BPIFB2: variants seen among roughly 807,000 people sequenced by gnomAD.
The protein encoded by BPIFB2 is BPI fold-containing family B member 2.
BPIFB2 carries 39 observed loss-of-function variants against 50.1 expected under a neutral mutation model. The observed-to-expected ratio is 0.78, with a 90% confidence interval of 0.60 to 1.02. BPIFB2 has a LOEUF of 1.02. Among genes scored for constraint, BPIFB2 ranks in the 50% least tolerant of loss-of-function variants. BPIFB2 has a pLI of 0.00. For synonymous variants in BPIFB2, 280 were observed against 256.3 expected, an observed-to-expected ratio of 1.09 and a Z score of -0.88; for missense variants, 574 against 585.8, an observed-to-expected ratio of 0.98 and a Z score of 0.21.
At chr20:33,011,206 T>C in intron 3 of BPIFB2, 89 bp downstream of exon 3, 1 of 1,278,044 alleles carries the variant, frequency 7.8e-7, no homozygotes, top group East Asian at 2.4e-5. Flanking sequence ...CCACCGGGCA[T>C]GTGCTCCTGC....
chr20:33,018,455 G>T, intron 8 of BPIFB2, 105 bp downstream of exon 8: 1 of 1,314,474 alleles, frequency 7.6e-7, no homozygotes, highest in South Asian at 1.3e-5. Context: ...AGGAGAGGAG[G>T]AGCTGGAATA....
chr20:33,015,577 C>T (rs933423270), intron 6 of BPIFB2, 81 bp downstream of exon 6: 2 of 1,249,102 alleles, frequency 1.6e-6, no homozygotes, highest in Admixed American at 2.3e-5. Context: ...GGATTTCAGG[C>T]AGGGGGTACT....
At chr20:33,020,786 A>T (rs56373649) in intron 13 of BPIFB2, among the ~76,000 whole-genome samples, 199 bp downstream of exon 13, 1 of 152,056 alleles carries the variant, frequency 6.6e-6, no homozygotes, top group Admixed American at 6.5e-5. Context: ...ATGACTTGTC[A>T]CCCAGCCCTC....
chr20:33,010,887 C>G lies in BPIFB2; in HGVS notation c.110-137C>G, dbSNP rs983541383. On this transcript the variant is annotated intron_variant, in intron 2 of 15. Coordinates refer to ENST00000170150, the MANE Select transcript of BPIFB2 (RefSeq NM_025227.3). ...CTCATGGGGAGTCAGCTGCCCTCCC[C>G]ATATGCTTGGAGTAAGCCTACCCCT... 7.9e-5 allele frequency: 55 copies of G among 698,826 alleles called. 2 individuals carry two copies. The South Asian group carries it at 9.9e-4, about 13-fold the overall frequency. The allele number at this position is 698,826 out of a possible 1,614,324, so 43.3% of individuals were successfully genotyped here.
chr20:33,018,128 T>G, intron 7 of BPIFB2, 131 bp from the exon 8 acceptor site: 1 of 685,180 alleles, frequency 1.5e-6, no homozygotes, highest in Non-Finnish European at 2.4e-6. Flanking sequence ...TTGCTCTGCC[T>G]CTTTTGTTTC....
chr20:33,018,749 A>G lies in BPIFB2; in HGVS notation c.782A>G (p.Gln261Arg). The G allele has an allele frequency of 6.2e-7, 1 of 1,614,198 alleles. No homozygotes were observed. Among genetic ancestry groups the G allele is most frequent in the Non-Finnish European group, 8.5e-7 (1 of 1,180,040 alleles). The change falls in exon 9 of 16, where the codon CAG becomes CGG. Residue 261 changes from glutamine (Q) to arginine (R), a missense_variant. Physicochemically the swap from Gln to Arg is conservative, Grantham distance 43 (BLOSUM62 1). Transcript: ENST00000170150. Reference protein sequence around the residue: ...EGSMATVGLSQQLFDSALLLL... With the variant: ...EGSMATVGLSRQLFDSALLLL... ...TCCATGGCCACCGTGGGCCTCTCCC[A>G]GCAGCTGTTTGACTCTGCGCTCCTG...
intron 3 of BPIFB2, among the ~76,000 whole-genome samples, chr20:33,012,578 G>A (rs1990302419): frequency 6.6e-6 from 1 of 152,242 alleles, no homozygotes; most frequent in Admixed American, 6.5e-5. Flanking sequence ...AGTCCTGCCC[G>A]AAGCGGGGGC....
rs150853059 is a variant in BPIFB2 at position 33,019,622 on chromosome 20, G to C, written c.952G>C (p.Val318Leu). The stretch of plus-strand genomic sequence containing the variant: ...CGAGCCCATGCCTGTGGTGCTCAAG[G>C]TGCGGCTGGGTGCCACACCTGTGGC... ...FPEPMPVVLK[V>L]RLGATPVAML... Residue 318 changes from valine (V) to leucine (L), a missense_variant, in exon 11 of 16, where the codon GTG (valine) becomes CTG (leucine). Coordinates refer to ENST00000170150, the MANE Select transcript of BPIFB2 (RefSeq NM_025227.3). The C allele has an allele frequency of 2.5e-6, 4 of 1,609,990 alleles. No individual in the cohort carries two copies. Among genetic ancestry groups the C allele is most frequent in the African/African-American group, 1.3e-5 (1 of 74,848 alleles).
At chr20:33,014,898 C>A (rs116623499) in intron 5 of BPIFB2, among the ~76,000 whole-genome samples, 134 of 152,362 alleles carry the variant, frequency 8.8e-4, no homozygotes, top group African/African-American at 2.8e-3. Context: ...CCACCTCCCC[C>A]CCAGGGAGCT....
chr20:33,012,832 G>T lies in BPIFB2; in HGVS notation c.233G>T (p.Arg78Leu), dbSNP rs750355484. 1 of 1,613,972 alleles carries T rather than the reference G, an allele frequency of 6.2e-7. No homozygotes were observed. Among genetic ancestry groups the T allele is most frequent in the Admixed American group, 1.7e-5 (1 of 60,018 alleles). ...CGGATTCTGAATGTCCATGTGCCCC[G>T]CCTCCACCTGAAATTCATTGCTGGT... ...RIRILNVHVP[R>L]LHLKFIAGFG... is the part of the protein sequence containing the mutation. The change falls in exon 4 of 16, where the codon CGC (arginine) becomes CTC (leucine). Residue 78 changes from arginine (R) to leucine (L), a missense_variant. By Grantham distance (102) the Arg-to-Leu change is moderately radical. Coordinates refer to ENST00000170150, the MANE Select transcript of BPIFB2 (RefSeq NM_025227.3).
At chr20:33,018,560 T>A in intron 8 of BPIFB2, 77 bp from the exon 9 acceptor site, 1 of 1,464,958 alleles carries the variant, frequency 6.8e-7, no homozygotes, top group Non-Finnish European at 9.3e-7. Flanking sequence ...CATCTAGGAG[T>A]CCAGGTTCTG....
rs1242415558 is a variant in BPIFB2, at chr20:33,008,537, C to T, written c.-34-4C>T. On this transcript the variant is annotated splice_region_variant and splice_polypyrimidine_tract_variant and intron_variant, in intron 1 of 15. Coordinates refer to ENST00000170150, the MANE Select transcript of BPIFB2 (RefSeq NM_025227.3). ...GAGCTCCCTGATGCTCATTTCTACC[C>T]CAGCCCACAGATCCTGTGGGCAGCG... The T allele has an allele frequency of 6.6e-7, 1 of 1,521,738 alleles. No homozygotes were observed. Among genetic ancestry groups the T allele is most frequent in the Non-Finnish European group, 8.9e-7 (1 of 1,125,596 alleles). The allele number at this position is 1,521,738 out of a possible 1,614,324, so 94.3% of individuals were successfully genotyped here.
chr20:33,013,481 C>T (rs997987699), intron 4 of BPIFB2, among the ~76,000 whole-genome samples: 6 of 152,152 alleles, frequency 3.9e-5, no homozygotes, highest in African/African-American at 7.2e-5. Flanking sequence ...CACAGCCCTG[C>T]GAAATAGGTC....
At chr20:33,020,720 C>T in intron 13 of BPIFB2, 133 bp downstream of exon 13, 1 of 1,066,658 alleles carries the variant, frequency 9.4e-7, no homozygotes. Flanking sequence ...CTTCCCCGGG[C>T]TGCTTGGGGA....
chr20:33,015,268 G>A (rs1358310286), intron 5 of BPIFB2, among the ~76,000 whole-genome samples, 168 bp from the exon 6 acceptor site: 1 of 152,040 alleles, frequency 6.6e-6, no homozygotes, highest in Non-Finnish European at 1.5e-5. Context: ...CTCATCTATG[G>A]GGCCAGTTAT....
chr20:33,012,050 A>G (rs1019817495), intron 3 of BPIFB2, among the ~76,000 whole-genome samples: 3 of 152,232 alleles, frequency 2.0e-5, no homozygotes, highest in Admixed American at 6.5e-5. Context: ...CCCTGGAACA[A>G]TGGGTGGATG....
intron 5 of BPIFB2, among the ~76,000 whole-genome samples, chr20:33,014,494 G>C (rs1990332091): frequency 6.6e-6 from 1 of 152,192 alleles, no homozygotes; most frequent in Non-Finnish European, 1.5e-5. Flanking sequence ...AGTATTTCCT[G>C]CATTTTACAG....
chr20:33,008,838 G>A (rs1990248435), intron 2 of BPIFB2, among the ~76,000 whole-genome samples, 155 bp downstream of exon 2: 1 of 152,228 alleles, frequency 6.6e-6, no homozygotes, highest in South Asian at 2.1e-4. Context: ...CTGACACATG[G>A]CGCTGCTCAA....
At chr20:33,023,303 C>T (rs766425771) in intron 15 of BPIFB2, 39 bp from the exon 16 acceptor site, 4 of 1,602,286 alleles carry the variant, frequency 2.5e-6, no homozygotes, top group African/African-American at 2.7e-5. Context: ...CCTGCCTGTG[C>T]CTCCTCTGAC....
Sources: gnomAD v4.1 joint callset for allele counts (sites outside exome capture counted in the v4.1 genomes callset) on GRCh38, gnomAD v4.1.1 for gene constraint, MANE v1.5 for transcripts, NCBI Gene and HGNC (gene_info 2026-07-23, HGNC 2026-07-21) for gene names.